MAP2K5: variants seen among roughly 807,000 people sequenced by gnomAD.
MAP2K5 encodes dual specificity mitogen-activated protein kinase kinase 5.
In MAP2K5, 49 loss-of-function variants were observed where a neutral mutation model predicts 83.1. The ratio of observed to expected loss-of-function variants is 0.59; its 90% CI spans 0.47 to 0.75. MAP2K5 has a LOEUF of 0.75. Among genes scored for constraint, MAP2K5 ranks in the 30% least tolerant of loss-of-function variants. The pLI, the probability that MAP2K5 is intolerant of heterozygous loss-of-function variation, is 0.00. For missense variants in MAP2K5, 457 were observed against 557.5 expected (o/e 0.82, Z 1.82); for synonymous variants, 202 against 191.8 (o/e 1.05, Z -0.44).
At position 67,563,056 on chromosome 15, in the gene MAP2K5, A is replaced by G. The variant is rs1478420940; in HGVS notation, c.185-227A>G. 1.3e-5 allele frequency among the ~76,000 whole-genome samples: 2 copies of G among 152,238 alleles called. No individual in the cohort carries two copies. The highest frequency in any genetic ancestry group is 2.9e-5 in the Non-Finnish European group (2 of 68,042). ...AACCTAGAGATATGTTGTGAATGACATGAGCAATATTTTAATTTTCTGCTA... is the reference window on the plus strand; with the variant it reads ...AACCTAGAGATATGTTGTGAATGACGTGAGCAATATTTTAATTTTCTGCTA... On this transcript the variant is annotated intron_variant, in intron 2 of 21. Transcript: ENST00000178640. The surrounding 1 kb of genome is among the most constrained non-coding windows in gnomAD (Gnocchi z 4.5).
chr15:67,545,881 T>C (rs1444533023), intron 1 of MAP2K5, among the ~76,000 whole-genome samples: 3 of 152,284 alleles, frequency 2.0e-5, no homozygotes, highest in South Asian at 4.1e-4. Flanking sequence ...TTGTTATTAT[T>C]GATGGGATTG....
chr15:67,744,388 A>T (rs2089558880), intron 17 of MAP2K5, among the ~76,000 whole-genome samples: 1 of 152,254 alleles, frequency 6.6e-6, no homozygotes, highest in Non-Finnish European at 1.5e-5. Flanking sequence ...TCTTCTTTCT[A>T]TTTAAGAGAA....
At chr15:67,772,829 T>TG in intron 21 of MAP2K5, 77 bp downstream of exon 21, 1 of 1,301,670 alleles carries the variant, frequency 7.7e-7, no homozygotes, top group South Asian at 1.3e-5. Flanking sequence ...AAGTCCAGAA[T>TG]GGAATTTGAA....
intron 20 of MAP2K5, among the ~76,000 whole-genome samples, chr15:67,771,387 G>A (rs1319711572): frequency 6.6e-6 from 1 of 152,122 alleles, no homozygotes; most frequent in Non-Finnish European, 1.5e-5. Flanking sequence ...CTGGGGGTGG[G>A]GCTGGTCTGA....
At chr15:67,581,906 A>G (rs1253309992) in intron 4 of MAP2K5, among the ~76,000 whole-genome samples, 2 of 152,214 alleles carry the variant, frequency 1.3e-5, no homozygotes, top group Non-Finnish European at 2.9e-5. Flanking sequence ...GTGCTAAGTA[A>G]GTACAGTTGG....
intron 5 of MAP2K5, among the ~76,000 whole-genome samples, chr15:67,586,290 T>G (rs2085289487): frequency 6.6e-6 from 1 of 152,260 alleles, no homozygotes; most frequent in African/African-American, 2.4e-5. Flanking sequence ...TCTTGACATA[T>G]TTATGCTAGA....
intron 21 of MAP2K5, among the ~76,000 whole-genome samples, chr15:67,796,559 T>C (rs1388806284): frequency 6.6e-6 from 1 of 152,202 alleles, no homozygotes; most frequent in Non-Finnish European, 1.5e-5. Flanking sequence ...GAACTCCACC[T>C]CCTGTTCCAG....
At chr15:67,631,323 CTT>C (rs1219030846) in intron 9 of MAP2K5, among the ~76,000 whole-genome samples, 3 of 152,210 alleles carry the variant, frequency 2.0e-5, no homozygotes, top group African/African-American at 7.2e-5. Flanking sequence ...CCATTTGCTA[CTT>C]TCTTTCTATT....
intron 8 of MAP2K5, among the ~76,000 whole-genome samples, chr15:67,624,663 CTT>C (rs2086273714): frequency 6.7e-6 from 1 of 150,048 alleles, no homozygotes; most frequent in Admixed American, 6.7e-5. Flanking sequence ...GAGTTTCGCT[CTT>C]GTTTCCCAGG....
chr15:67,650,629 A>G (rs2086930962), intron 11 of MAP2K5, among the ~76,000 whole-genome samples: 1 of 151,498 alleles, frequency 6.6e-6, no homozygotes, highest in East Asian at 1.9e-4. Flanking sequence ...ATGGTATACT[A>G]TATTAATTGA....
At chr15:67,619,565 C>G (rs958432029) in intron 8 of MAP2K5, among the ~76,000 whole-genome samples, 2 of 152,178 alleles carry the variant, frequency 1.3e-5, no homozygotes, top group Admixed American at 6.5e-5. Flanking sequence ...CCCCTTGAAA[C>G]TTACAATAAA....
chr15:67,635,715 C>A (rs2086588801), intron 9 of MAP2K5, among the ~76,000 whole-genome samples: 1 of 151,980 alleles, frequency 6.6e-6, no homozygotes, highest in Non-Finnish European at 1.5e-5. Context: ...TTTTGGGAGG[C>A]ATTTTAATTT....
Position 67,636,344 on chromosome 15 carries a change from C to A in MAP2K5, c.585+5417C>A, listed in dbSNP as rs2086603404. The stretch of plus-strand genomic sequence containing the variant: ...AATGGCGTGAACCTGGGAAGTGGAG[C>A]TTGCAGTGAGCCAAGATTGCGCCAC... On this transcript the variant is annotated intron_variant, in intron 9 of 21. Transcript: ENST00000178640. This position sits in a 1 kb window ranked among gnomAD's most constrained non-coding sequence, Gnocchi z 4.7. Among the ~76,000 whole-genome samples the A allele has an allele frequency of 6.6e-6, 1 of 151,366 alleles. No homozygotes were observed. The highest frequency in any genetic ancestry group is 1.5e-5 in the Non-Finnish European group (1 of 67,908).
intron 7 of MAP2K5, among the ~76,000 whole-genome samples, chr15:67,598,758 C>G (rs1372446832): frequency 6.6e-6 from 1 of 152,162 alleles, no homozygotes; most frequent in African/African-American, 2.4e-5. Flanking sequence ...CAGACTGTGG[C>G]CCCTCCAGAG....
chr15:67,704,916 T>C (rs2088512663), intron 16 of MAP2K5, among the ~76,000 whole-genome samples: 1 of 152,192 alleles, frequency 6.6e-6, no homozygotes, highest in Non-Finnish European at 1.5e-5. Flanking sequence ...AGATTGGGAA[T>C]GGAAGACCTG....
chr15:67,628,682 G>A, intron 8 of MAP2K5: 1 of 885,180 alleles, frequency 1.1e-6, no homozygotes, highest in Non-Finnish European at 1.9e-6. Flanking sequence ...TACTGTGAAT[G>A]GCCACAACGG....
At chr15:67,711,036 G>A (rs2088679293) in intron 16 of MAP2K5, among the ~76,000 whole-genome samples, 1 of 152,130 alleles carries the variant, frequency 6.6e-6, no homozygotes, top group Admixed American at 6.6e-5. Flanking sequence ...ACCTTCACCT[G>A]CATCTTCCTT....
chr15:67,703,251 C>A lies in MAP2K5; in HGVS notation c.973-86C>A, dbSNP rs924838892. ...AAATACTATGCAGATGTTGGTGGCT[C>A]CTCACCTTAGCTGAGCTTATTTTGG... On this transcript the variant is annotated intron_variant, in intron 15 of 21. Coordinates refer to ENST00000178640, the MANE Select transcript of MAP2K5 (RefSeq NM_145160.3). The A allele has an allele frequency of 6.3e-5, 59 of 935,254 alleles. No homozygotes were observed. The African/African-American group carries it at 7.7e-4, about 12-fold the overall frequency. 57.9% of individuals were successfully genotyped at this position (935,254 alleles called of 1,614,324 possible). A position where few individuals can be genotyped will look rare whatever the true frequency, so the allele number is the denominator to read the frequency against.
In MAP2K5 at chr15:67,638,888, T is replaced by G. The variant is rs1241890098; in HGVS notation, c.586-7343T>G. Among the ~76,000 whole-genome samples, 1 of 152,230 alleles carries G rather than the reference T, an allele frequency of 6.6e-6. No homozygotes were observed. Among genetic ancestry groups the G allele is most frequent in the Non-Finnish European group, 1.5e-5 (1 of 68,038 alleles). ...TATATCTTCTTTTGAGAAGTGTCTG[T>G]TCGTGTCCTTTGCCCACTTTTTAAT... On this transcript the variant is annotated intron_variant, in intron 9 of 21. Transcript: ENST00000178640. The surrounding 1 kb of genome is among the most constrained non-coding windows in gnomAD (Gnocchi z 4.5).
Sources: allele counts gnomAD v4.1 joint callset (sites outside exome capture counted in the v4.1 genomes callset), GRCh38; gene constraint gnomAD v4.1.1; non-coding constraint Gnocchi (gnomAD v3.1); transcripts MANE v1.5; gene names NCBI Gene and HGNC (gene_info 2026-07-23, HGNC 2026-07-21).